ALG12: variants seen among roughly 807,000 people sequenced by gnomAD.
ALG12 encodes the protein ALG12 alpha-1,6-mannosyltransferase.
ALG12 carries 36 observed loss-of-function variants against 46.0 expected under a neutral mutation model. The observed-to-expected ratio is 0.78, with a 90% CI of 0.60 to 1.03. The LOEUF (loss-of-function observed/expected upper bound fraction) is 1.03. Among genes scored for constraint, ALG12 ranks in the 50% least tolerant of loss-of-function variants. The pLI is 0.00. For synonymous variants in ALG12, 326 were observed against 291.6 expected, an observed-to-expected ratio of 1.12 and a Z score of -1.20; for missense variants, 599 against 633.5, an observed-to-expected ratio of 0.95 and a Z score of 0.58.
chr22:49,903,902 G>A lies in ALG12; in HGVS notation c.1403C>T (p.Pro468Leu), dbSNP rs777823175. Residue 468 changes from proline to leucine, a missense_variant, in exon 10 of 10, where the codon CCC (proline) becomes CTC (leucine). Transcript: ENST00000330817. ...TGVSLNLTQLPPFNVHLQTKL... is the reference protein window; with the variant it reads ...TGVSLNLTQLLPFNVHLQTKL... ...TGTCTGCAGGTGGACGTTGAAGGGG[G>A]GCAGTTGGGTCAGGTTCAGACTCAC... 3 of 1,614,098 alleles carry A rather than the reference G, an allele frequency of 1.9e-6. No individual in the cohort carries two copies. Among genetic ancestry groups the A allele is most frequent in the African/African-American group, 1.3e-5 (1 of 74,938 alleles).
chr22:49,904,457 C>T lies in ALG12; in HGVS notation c.1042G>A (p.Val348Met). 6.2e-7 allele frequency: 1 copy of T among 1,614,196 alleles called. No homozygotes were observed. The highest frequency in any genetic ancestry group is 8.5e-7 in the Non-Finnish European group (1 of 1,180,036). The change falls in exon 8 of 10, where the codon GTG (valine) becomes ATG (methionine). Residue 348 changes from valine (V) to methionine (M), a missense_variant. Coordinates refer to ENST00000330817, the MANE Select transcript of ALG12 (RefSeq NM_024105.4). Reference sequence around the variant, plus strand: ...GCATTCACCACGAGGTGTCCGATCACAAGCAGAGACCCCGCTTTGTACAGC... The same window carrying T: ...GCATTCACCACGAGGTGTCCGATCATAAGCAGAGACCCCGCTTTGTACAGC... The part of the protein sequence containing the change: ...SWLYKAGSLL[V>M]IGHLVVNAAY...
the ALG12 span, among the ~76,000 whole-genome samples, chr22:49,860,958 T>A: frequency 6.7e-6 from 1 of 150,044 alleles, no homozygotes; most frequent in Non-Finnish European, 1.5e-5. Flanking sequence ...TTTTGTACTT[T>A]AGTAGAGATG....
At chr22:49,886,727 C>T in the ALG12 span, 17 of 1,612,960 alleles carry the variant, frequency 1.1e-5, no homozygotes, top group East Asian at 2.2e-5. This position sits in a 1 kb window ranked among gnomAD's most constrained non-coding sequence, Gnocchi z 7.7. Context: ...GAGGAGGAGG[C>T]GGAGCAGTAC....
chr22:49,891,118 ACTTT>A, the ALG12 span, among the ~76,000 whole-genome samples: 1 of 152,032 alleles, frequency 6.6e-6, no homozygotes, highest in Admixed American at 6.5e-5. Flanking sequence ...CCATGACCTT[ACTTT>A]GACTTGTCCA....
chr22:49,904,217 T>A lies in ALG12; in HGVS notation c.1200A>T (p.Thr400=). The change falls in exon 9 of 10, where the codon ACA becomes ACT. Residue 400 remains threonine (T), a synonymous_variant. Transcript: ENST00000330817. ...TGACTTGGAGAAACCGAGACACACC[T>A]GTCTGGGCGGCTGCCACGTCAATGT... The part of the protein sequence containing the change: ...LLHIDVAAAQ[T]GVSRFLQVNS... 6.2e-7 allele frequency: 1 copy of A among 1,614,068 alleles called. No individual in the cohort carries two copies. Among genetic ancestry groups the A allele is most frequent in the Non-Finnish European group, 8.5e-7 (1 of 1,179,974 alleles).
intron 1 of ALG12, among the ~76,000 whole-genome samples, chr22:49,916,307 G>A (rs1452668728): frequency 6.6e-6 from 1 of 151,746 alleles, no homozygotes; most frequent in East Asian, 1.9e-4. Flanking sequence ...CAACGGCCGG[G>A]CGTGGTGGCT....
chr22:49,900,340 G>A lies in ALG12; in HGVS notation c.*3498C>T, dbSNP rs1601814275. The A allele has an allele frequency of 6.6e-6, 1 of 152,342 alleles. No homozygotes were observed. The highest frequency in any genetic ancestry group is 3.4e-3 in the Middle Eastern group (1 of 294). The allele number at this position is 152,342 out of a possible 1,614,324, so 9.4% of individuals were successfully genotyped here. A position where few individuals can be genotyped will look rare whatever the true frequency, so the allele number is the denominator to read the frequency against. ...GAGGTACAGGAGGGAGTGGCTCCCT[G>A]CATCTGTCTTCAGGGGCAGTTTTGA... On this transcript the variant is annotated 3_prime_UTR_variant, in exon 10 of 10. Coordinates refer to ENST00000330817, the MANE Select transcript of ALG12 (RefSeq NM_024105.4).
At chr22:49,918,134 C>T (rs542161092) in intron 1 of ALG12, 129 bp downstream of exon 1, 1 of 152,692 alleles carries the variant, frequency 6.5e-6, no homozygotes, top group Non-Finnish European at 1.5e-5. Context: ...GGCTGTGACG[C>T]GTGGACATGC....
rs374327138 is a variant in ALG12 at position 49,904,442 on chromosome 22, C to T, written c.1057G>A (p.Val353Met). The T allele has an allele frequency of 3.9e-5, 63 of 1,614,176 alleles. No homozygotes were observed. The African/African-American group carries it at 6.4e-4, about 16-fold the overall frequency. Residue 353 changes from valine (V) to methionine (M), a missense_variant, in exon 8 of 10, where the codon GTG becomes ATG. Physicochemically the swap from Val to Met is conservative, Grantham distance 21. Coordinates refer to ENST00000330817, the MANE Select transcript of ALG12 (RefSeq NM_024105.4). Reference protein sequence around the residue: ...AGSLLVIGHLVVNAAYSATAL... With the variant: ...AGSLLVIGHLMVNAAYSATAL... ...GTGGCTGAGTAGGCGGCATTCACCA[C>T]GAGGTGTCCGATCACAAGCAGAGAC...
At chr22:49,881,414 A>T in the ALG12 span, among the ~76,000 whole-genome samples, 1 of 152,066 alleles carries the variant, frequency 6.6e-6, no homozygotes, top group Non-Finnish European at 1.5e-5. Context: ...TTGAGATAGG[A>T]TCTCACTGTT....
Position 49,904,377 on chromosome 22 carries a change from G to A in ALG12, c.1122C>T (p.Val374=), listed in dbSNP as rs373583849. ...YVSHFNYPGG[V]AMQRLHQLVP... ...CCAGCTGGTGCAGCCTCTGCATTGC[G>A]ACGCCACCTGGGTAGTTGAAATGGG... Residue 374 remains valine (V), a synonymous_variant, in exon 8 of 10, where the codon GTC becomes GTT. Coordinates refer to ENST00000330817, the MANE Select transcript of ALG12 (RefSeq NM_024105.4). The A allele has an allele frequency of 8.7e-6, 14 of 1,614,050 alleles. No individual in the cohort carries two copies. Among genetic ancestry groups the A allele is most frequent in the South Asian group, 2.2e-5 (2 of 91,084 alleles).
intron 7 of ALG12, 75 bp downstream of exon 7, chr22:49,907,646 A>G: frequency 3.4e-6 from 5 of 1,488,422 alleles, no homozygotes; most frequent in Non-Finnish European, 4.6e-6. Context: ...ACACACATAC[A>G]TCCCCCCAAC....
At chr22:49,909,217 C>T (rs1424100362) in intron 6 of ALG12, 27 bp downstream of exon 6, 2 of 1,605,782 alleles carry the variant, frequency 1.2e-6, no homozygotes, top group Non-Finnish European at 1.7e-6. Context: ...CCACCCATCG[C>T]CCTCCTGCAC....
At chr22:49,887,042 G>A in the ALG12 span, 1 of 1,614,178 alleles carries the variant, frequency 6.2e-7, no homozygotes, top group Non-Finnish European at 8.5e-7. Flanking sequence ...TGCCCCCCAA[G>A]CATCGTCCCT....
At chr22:49,867,861 C>T in the ALG12 span, among the ~76,000 whole-genome samples, 1 of 152,242 alleles carries the variant, frequency 6.6e-6, no homozygotes. Flanking sequence ...AGTCCAGCCC[C>T]CCTCAAATGT....
At chr22:49,887,237 C>T in the ALG12 span, 1 of 1,537,732 alleles carries the variant, frequency 6.5e-7, no homozygotes, top group Non-Finnish European at 8.8e-7. Context: ...GCAGCCTGTA[C>T]CAGGTCTATG....
rs761586710 is a variant in ALG12 at position 49,907,943 on chromosome 22, G to A, written c.770C>T (p.Thr257Ile). The change falls in exon 7 of 10, where the codon ACC (threonine) becomes ATC (isoleucine). Residue 257 changes from threonine (T) to isoleucine (I), a missense_variant and splice_region_variant. Thr to Ile is a moderately conservative substitution (Grantham distance 89, BLOSUM62 -1). Transcript: ENST00000330817. ...GTAGAAGTACCACAGCAGCGGGGAG[G>A]TCTGCGGGCTGGGTTAAGGAGGCCA... Reference protein sequence around the residue: ...TVLNKSSNWGTSPLLWYFYSA... With the variant: ...TVLNKSSNWGISPLLWYFYSA... 6.2e-7 allele frequency: 1 copy of A among 1,611,952 alleles called. No homozygotes were observed. The highest frequency in any genetic ancestry group is 1.3e-5 in the African/African-American group (1 of 74,922).
chr22:49,895,425 G>C (rs2060480100), downstream of ALG12, among the ~76,000 whole-genome samples: 1 of 152,142 alleles, frequency 6.6e-6, no homozygotes, highest in Non-Finnish European at 1.5e-5. Flanking sequence ...GCCGAGGTGG[G>C]TGGATCACCT....
At chr22:49,887,313 CCA>C in the ALG12 span, 1 of 941,588 alleles carries the variant, frequency 1.1e-6, no homozygotes, top group South Asian at 1.8e-5. Context: ...CTCCAGCTCA[CCA>C]CAGTGTCTCC....
Sources: gnomAD v4.1 joint callset for allele counts (sites outside exome capture counted in the v4.1 genomes callset) on GRCh38, gnomAD v4.1.1 for gene constraint, Gnocchi (gnomAD v3.1) non-coding constraint, MANE v1.5 for transcripts, NCBI Gene and HGNC (gene_info 2026-07-23, HGNC 2026-07-21) for gene names.